The following ZNF121 variants were observed in gnomAD, a reference collection of about 807,000 sequenced individuals.
ZNF121 encodes the protein zinc finger protein 121 (clone ZHC32).
ZNF121 carries 1 observed loss-of-function variant against 2.4 expected under a neutral mutation model. The ratio of observed to expected loss-of-function variants is 0.41; its 90% CI spans 0.15 to 1.94. The LOEUF (loss-of-function observed/expected upper bound fraction) is 1.94. ZNF121 is among the 30% of genes most tolerant of loss of function. ZNF121 has a pLI of 0.30. For missense variants in ZNF121, 369 were observed against 466.3 expected, an observed-to-expected ratio of 0.79 and a Z score of 1.92; for synonymous variants, 173 against 158.6, an observed-to-expected ratio of 1.09 and a Z score of -0.68.
intron 1 of ZNF121, among the ~76,000 whole-genome samples, chr19:9,581,959 T>C (rs973790439): frequency 6.6e-6 from 1 of 152,164 alleles, no homozygotes; most frequent in African/African-American, 2.4e-5. Context: ...TACACTCAAA[T>C]TGTTCACCAT....
At chr19:9,573,180 T>C (rs1388325590) in intron 1 of ZNF121, among the ~76,000 whole-genome samples, 1 of 152,156 alleles carries the variant, frequency 6.6e-6, no homozygotes, top group Non-Finnish European at 1.5e-5. Context: ...ACGAAAATAG[T>C]ATCAGTGACT....
chr19:9,568,903 C>G (rs1301547913), intron 2 of ZNF121, 99 bp downstream of exon 2: 1 of 152,290 alleles, frequency 6.6e-6, no homozygotes, highest in Non-Finnish European at 1.5e-5. Context: ...AGTCCAATGG[C>G]CCCATGTTCT....
At chr19:9,573,481 A>C (rs183273454) in intron 1 of ZNF121, among the ~76,000 whole-genome samples, 2 of 152,334 alleles carry the variant, frequency 1.3e-5, no homozygotes, top group African/African-American at 4.8e-5. Context: ...AAAAGGAACT[A>C]AGATTGTCGG....
chr19:9,560,475 T>C lies in ZNF121; in HGVS notation c.*5465A>G, dbSNP rs971819522. On this transcript the variant is annotated 3_prime_UTR_variant, in exon 4 of 4. Transcript: ENST00000320451. Reference sequence around the variant, plus strand: ...CTTTTCCATCTTGCGTGGCTGACACTCAATACCCATTGAACAACTCATTTT... The same window carrying C: ...CTTTTCCATCTTGCGTGGCTGACACCCAATACCCATTGAACAACTCATTTT... 3.3e-5 allele frequency: 5 copies of C among 152,194 alleles called. No homozygotes were observed. The highest frequency in any genetic ancestry group is 7.4e-5 in the Non-Finnish European group (5 of 68,024). 9.4% of individuals were successfully genotyped at this position (152,194 alleles called of 1,614,324 possible). A position where few individuals can be genotyped will look rare whatever the true frequency, so the allele number is the denominator to read the frequency against.
chr19:9,565,145 T>G lies in ZNF121; in HGVS notation c.*795A>C, dbSNP rs1041271730. 6.6e-6 allele frequency: 1 copy of G among 151,864 alleles called. No homozygotes were observed. The highest frequency in any genetic ancestry group is 6.6e-5 in the Admixed American group (1 of 15,228). 9.4% of individuals were successfully genotyped at this position (151,864 alleles called of 1,614,324 possible). On this transcript the variant is annotated 3_prime_UTR_variant, in exon 4 of 4. Transcript: ENST00000320451. ...TTATAGTGGTAGTCTGGAACAAAAC[T>G]CACAATATCTACAGGGCATGCCTGT...
intron 1 of ZNF121, among the ~76,000 whole-genome samples, chr19:9,571,670 G>A (rs758388476): frequency 6.6e-6 from 1 of 152,102 alleles, no homozygotes; most frequent in Non-Finnish European, 1.5e-5. Flanking sequence ...CAGAGAAAAT[G>A]ACATTCCATG....
Position 9,566,213 on chromosome 19 carries a change from A to G in ZNF121, c.900T>C (p.His300=). The part of the protein sequence containing the change: ...GKAFTVSSSL[H]NHVKIHTGEK... ...CTCCAGTATGGATTTTTACATGATT[A>G]TGTAAGCTTGAGGAAACAGTGAATG... Residue 300 remains histidine (H), a synonymous_variant, in exon 4 of 4, where the codon CAT becomes CAC. Transcript: ENST00000320451. The G allele has an allele frequency of 6.2e-7, 1 of 1,614,156 alleles. No individual in the cohort carries two copies. The highest frequency in any genetic ancestry group is 8.5e-7 in the Non-Finnish European group (1 of 1,180,032).
In ZNF121 at chr19:9,560,457, A is replaced by T. The variant is rs567411054; in HGVS notation, c.*5483T>A. On this transcript the variant is annotated 3_prime_UTR_variant, in exon 4 of 4. Coordinates refer to ENST00000320451, the MANE Select transcript of ZNF121 (RefSeq NM_001008727.5). ...ACAACAAATCTCAAAAAGCTTTTCC[A>T]TCTTGCGTGGCTGACACTCAATACC... The T allele has an allele frequency of 6.6e-6, 1 of 152,206 alleles. No individual in the cohort carries two copies. Among genetic ancestry groups the T allele is most frequent in the African/African-American group, 2.4e-5 (1 of 41,450 alleles). The allele number at this position is 152,206 out of a possible 1,614,324, so 9.4% of individuals were successfully genotyped here. A position where few individuals can be genotyped will look rare whatever the true frequency, so the allele number is the denominator to read the frequency against.
chr19:9,561,466 C>CTG lies in ZNF121; in HGVS notation c.*4473_*4474insCA, dbSNP rs2074100155. 6.6e-6 allele frequency: 1 copy of CTG among 152,144 alleles called. No homozygotes were observed. Among genetic ancestry groups the CTG allele is most frequent in the South Asian group, 2.1e-4 (1 of 4,828 alleles). The allele number at this position is 152,144 out of a possible 1,614,324, so 9.4% of individuals were successfully genotyped here. On this transcript the variant is annotated 3_prime_UTR_variant, in exon 4 of 4. Transcript: ENST00000320451. ...TGTGCATCAAATTTACAGTAGCTAA[C>CTG]TACACCCCATAGATTAAGAATTTAT...
chr19:9,569,855 T>C (rs935025157), intron 1 of ZNF121, among the ~76,000 whole-genome samples: 1 of 151,312 alleles, frequency 6.6e-6, no homozygotes, highest in Non-Finnish European at 1.5e-5. Context: ...TTTTTTTTTT[T>C]TTTTACGATA....
At chr19:9,572,024 C>CA (rs1417543149) in intron 1 of ZNF121, among the ~76,000 whole-genome samples, 1 of 152,136 alleles carries the variant, frequency 6.6e-6, no homozygotes, top group East Asian at 1.9e-4. Context: ...GTCAGCCTCC[C>CA]AGTGTTAGGA....
At chr19:9,577,919 G>C (rs147660498) in intron 1 of ZNF121, among the ~76,000 whole-genome samples, 1 of 151,852 alleles carries the variant, frequency 6.6e-6, no homozygotes, top group African/African-American at 2.4e-5. Flanking sequence ...TGGGCCGGGC[G>C]TGGTGGCTCA....
At chr19:9,580,032 C>A (rs1200973874) in intron 1 of ZNF121, among the ~76,000 whole-genome samples, 2 of 152,054 alleles carry the variant, frequency 1.3e-5, no homozygotes, top group African/African-American at 2.4e-5. Context: ...GTGGCTCACA[C>A]CTGTTATCCC....
chr19:9,570,029 G>A (rs1013722540), intron 1 of ZNF121, among the ~76,000 whole-genome samples: 14 of 150,882 alleles, frequency 9.3e-5, no homozygotes, highest in East Asian at 7.9e-4. Context: ...CTCTGCCGCC[G>A]CCCACCCTAG....
chr19:9,569,498 C>T (rs1367507148), intron 1 of ZNF121, among the ~76,000 whole-genome samples: 1 of 151,784 alleles, frequency 6.6e-6, no homozygotes, highest in East Asian at 1.9e-4. Context: ...AGGAAATAAT[C>T]CAAGTGCAAA....
intron 1 of ZNF121, among the ~76,000 whole-genome samples, chr19:9,579,168 T>C (rs780543521): frequency 7.9e-5 from 12 of 152,160 alleles, no homozygotes; most frequent in Non-Finnish European, 1.5e-4. Context: ...GTGGCTTTTA[T>C]AGACAGGGAA....
At position 9,566,579 on chromosome 19, in the gene ZNF121, C is replaced by T. The variant is rs2074133597; in HGVS notation, c.534G>A (p.Gly178=). The T allele has an allele frequency of 1.9e-6, 3 of 1,614,174 alleles. No individual in the cohort carries two copies. Among genetic ancestry groups the T allele is most frequent in the Non-Finnish European group, 2.5e-6 (3 of 1,180,020 alleles). ...GEKPYECKEC[G]KCFTVSSHLV... ...GGTGTGAAGAAACAGTGAAGCATTT[C>T]CCACATTCCTTACATTCATAGGGTT... The change falls in exon 4 of 4, where the codon GGG becomes GGA. Residue 178 remains glycine, a synonymous_variant. Transcript: ENST00000320451.
intron 1 of ZNF121, among the ~76,000 whole-genome samples, chr19:9,577,411 T>C (rs540945015): frequency 6.6e-5 from 10 of 151,530 alleles, no homozygotes; most frequent in Admixed American, 2.0e-4. Flanking sequence ...GACTGAGCCA[T>C]TGCACTTCAG....
Position 9,565,971 on chromosome 19 carries a change from T to C in ZNF121, c.1142A>G (p.Tyr381Cys). Reference sequence around the variant, plus strand: ...TGTTTTTAAATGTTTAGTAAGTAAATAAAATCTATTGTAGGCTTTCCCACA... The same window carrying C: ...TGTTTTTAAATGTTTAGTAAGTAAACAAAATCTATTGTAGGCTTTCCCACA... ...NECGKAYNRF[Y>C]LLTKHLKTH The change falls in exon 4 of 4, where the codon TAT becomes TGT. Residue 381 changes from tyrosine to cysteine, a missense_variant. Coordinates refer to ENST00000320451, the MANE Select transcript of ZNF121 (RefSeq NM_001008727.5). 1 of 1,575,768 alleles carries C rather than the reference T, an allele frequency of 6.3e-7. No homozygotes were observed. The highest frequency in any genetic ancestry group is 8.6e-7 in the Non-Finnish European group (1 of 1,162,300).
Sources: allele counts gnomAD v4.1 joint callset (sites outside exome capture counted in the v4.1 genomes callset), GRCh38; gene constraint gnomAD v4.1.1; transcripts MANE v1.5; gene names NCBI Gene and HGNC (gene_info 2026-07-23, HGNC 2026-07-21).